Variants in EPB41L4A observed in about 807,000 individuals in gnomAD.
EPB41L4A encodes the protein band 4.1-like protein 4A.
A neutral mutation model predicts 108.6 loss-of-function variants in EPB41L4A; 100 were observed. The ratio of observed to expected loss-of-function variants is 0.92; its 90% CI spans 0.78 to 1.09. The LOEUF is 1.09. Among genes scored for constraint, EPB41L4A ranks in the 50% least tolerant of loss-of-function variants. The pLI, the probability that EPB41L4A is intolerant of heterozygous loss-of-function variation, is 0.00. For synonymous variants in EPB41L4A, 319 were observed against 289.0 expected (o/e 1.10, Z -1.05); for missense variants, 1,030 against 842.7 (o/e 1.22, Z -2.75).
intron 13 of EPB41L4A, chr5:112,206,959 C>A (rs1176156820): frequency 6.6e-6 from 1 of 152,176 alleles, no homozygotes; most frequent in Non-Finnish European, 1.5e-5. Context: ...GACCCTCCCT[C>A]CAAAAAAGCC....
chr5:112,173,307 C>A (rs995347695), intron 18 of EPB41L4A, among the ~76,000 whole-genome samples: 2 of 151,870 alleles, frequency 1.3e-5, no homozygotes, highest in Non-Finnish European at 2.9e-5. Flanking sequence ...AGGGTGGACA[C>A]GGGGAGAATG....
In EPB41L4A at chr5:112,194,658, A is replaced by T; in HGVS notation, c.1425-13T>A. 1.3e-6 allele frequency: 2 copies of T among 1,583,894 alleles called. No individual in the cohort carries two copies. Among genetic ancestry groups the T allele is most frequent in the South Asian group, 1.2e-5 (1 of 86,190 alleles). ...GCGTGAACGTGACCTGAAGACAAAA[A>T]GGTAAGAACAAAAGAAAAAACACAC... On this transcript the variant is annotated splice_polypyrimidine_tract_variant and intron_variant, in intron 16 of 22. Coordinates refer to ENST00000261486, the MANE Select transcript of EPB41L4A (RefSeq NM_022140.5).
At chr5:112,410,475 T>C (rs759456485) in intron 1 of EPB41L4A, among the ~76,000 whole-genome samples, 31 of 152,046 alleles carry the variant, frequency 2.0e-4, no homozygotes, top group Non-Finnish European at 4.0e-4. Flanking sequence ...GCAGCAGCAA[T>C]GAAAACAGGG....
At chr5:112,378,112 T>C (rs920140202) in intron 1 of EPB41L4A, among the ~76,000 whole-genome samples, 6 of 152,208 alleles carry the variant, frequency 3.9e-5, no homozygotes, top group African/African-American at 1.4e-4. Flanking sequence ...GAGAAATTTA[T>C]TTCAACATAA....
chr5:112,264,797 C>T (rs1049643237), intron 6 of EPB41L4A, 99 bp downstream of exon 6: 5 of 1,189,858 alleles, frequency 4.2e-6, no homozygotes, highest in Non-Finnish European at 5.8e-6. Flanking sequence ...ATATTAAATG[C>T]ACAGGTGAAG....
chr5:112,361,779 C>A (rs542403230), intron 1 of EPB41L4A, among the ~76,000 whole-genome samples: 9 of 151,688 alleles, frequency 5.9e-5, no homozygotes, highest in Non-Finnish European at 8.8e-5. Flanking sequence ...CACATTTACT[C>A]GGGAGGCTGA....
intron 1 of EPB41L4A, among the ~76,000 whole-genome samples, chr5:112,408,661 G>A (rs1238627858): frequency 1.0e-5 from 1 of 95,350 alleles, no homozygotes; most frequent in Admixed American, 1.8e-4. Flanking sequence ...GGGCAACATG[G>A]TGAGACTCCA....
chr5:112,322,301 A>T (rs1755833363), intron 1 of EPB41L4A, among the ~76,000 whole-genome samples: 1 of 152,218 alleles, frequency 6.6e-6, no homozygotes, highest in South Asian at 2.1e-4. Flanking sequence ...GAATACGCAT[A>T]CAGAGCCAGG....
intron 1 of EPB41L4A, among the ~76,000 whole-genome samples, chr5:112,321,495 T>C (rs913952286): frequency 6.6e-6 from 1 of 152,208 alleles, no homozygotes; most frequent in African/African-American, 2.4e-5. Flanking sequence ...AAAAACATAC[T>C]GCATTATTAT....
chr5:112,352,183 T>C (rs1758084985), intron 1 of EPB41L4A, among the ~76,000 whole-genome samples: 1 of 152,236 alleles, frequency 6.6e-6, no homozygotes, highest in South Asian at 2.1e-4. Flanking sequence ...TTCGGTTTGT[T>C]CTTGCTTTTC....
intron 2 of EPB41L4A, among the ~76,000 whole-genome samples, chr5:112,306,609 A>G (rs1170061027): frequency 1.3e-5 from 2 of 152,160 alleles, no homozygotes; most frequent in African/African-American, 4.8e-5. Flanking sequence ...AGGATGAAAA[A>G]TAAAAGGCAA....
intron 2 of EPB41L4A, among the ~76,000 whole-genome samples, chr5:112,288,692 C>A (rs1301790658): frequency 6.6e-6 from 1 of 152,146 alleles, no homozygotes; most frequent in Non-Finnish European, 1.5e-5. Flanking sequence ...CATGTTCCAC[C>A]ACTGTATGTT....
chr5:112,221,114 G>A (rs1748017099), intron 12 of EPB41L4A, among the ~76,000 whole-genome samples: 1 of 152,144 alleles, frequency 6.6e-6, no homozygotes, highest in Non-Finnish European at 1.5e-5. Context: ...GATAAGTGAG[G>A]AAGCTACTAC....
chr5:112,419,729 G>A (rs764190317), upstream of EPB41L4A: 5 of 456,736 alleles, frequency 1.1e-5, no homozygotes, highest in Non-Finnish European at 2.2e-5. Context: ...GGAGCCGGAA[G>A]AGAGGCGGAA....
upstream of EPB41L4A, chr5:112,419,351 C>T (rs1762937488): frequency 3.1e-6 from 1 of 327,544 alleles, no homozygotes; most frequent in Non-Finnish European, 5.7e-6. Flanking sequence ...GCGCGGGGCC[C>T]CTCCCGCAGT....
chr5:112,290,778 T>C (rs1030002507), intron 2 of EPB41L4A, among the ~76,000 whole-genome samples: 2 of 152,220 alleles, frequency 1.3e-5, no homozygotes, highest in Non-Finnish European at 1.5e-5. Context: ...AACATAAATG[T>C]AGTTTTAGCT....
intron 17 of EPB41L4A, among the ~76,000 whole-genome samples, chr5:112,192,706 T>G (rs1761765372): frequency 6.6e-6 from 1 of 152,236 alleles, no homozygotes; most frequent in East Asian, 1.9e-4. Flanking sequence ...TTTAATTATT[T>G]GATGGCAACC....
intron 12 of EPB41L4A, among the ~76,000 whole-genome samples, chr5:112,219,992 T>C (rs1468975329): frequency 2.0e-5 from 3 of 152,216 alleles, no homozygotes; most frequent in Non-Finnish European, 2.9e-5. Flanking sequence ...CACTGTGCCC[T>C]GCCAGAAAGC....
chr5:112,215,231 C>T (rs1747535448), intron 12 of EPB41L4A, among the ~76,000 whole-genome samples: 1 of 152,190 alleles, frequency 6.6e-6, no homozygotes, highest in Non-Finnish European at 1.5e-5. Context: ...CGGCAATATA[C>T]CTTGCAGGAC....
Sources: allele counts gnomAD v4.1 joint callset (sites outside exome capture counted in the v4.1 genomes callset), GRCh38; gene constraint gnomAD v4.1.1; transcripts MANE v1.5; gene names NCBI Gene and HGNC (gene_info 2026-07-23, HGNC 2026-07-21).